The following GABRB2 variants were observed in gnomAD, a reference collection of about 807,000 sequenced individuals.
GABRB2 encodes the protein gamma-aminobutyric acid type A receptor subunit beta2, also known as gamma-aminobutyric acid receptor subunit beta-2.
GABRB2 carries 16 observed loss-of-function variants against 54.7 expected under a neutral mutation model. That is an observed-to-expected ratio of 0.29 (90% CI 0.20 to 0.44). GABRB2 has a LOEUF of 0.44. Among genes scored for constraint, GABRB2 ranks in the 20% least tolerant of loss-of-function variants. The pLI is 1.00. For synonymous variants in GABRB2, 244 were observed against 233.8 expected (o/e 1.04, Z -0.40); for missense variants, 355 against 644.0 (o/e 0.55, Z 4.86).
intron 4 of GABRB2, among the ~76,000 whole-genome samples, chr5:161,430,201 T>A (rs890367047): frequency 6.6e-6 from 1 of 152,088 alleles, no homozygotes; most frequent in Non-Finnish European, 1.5e-5. Context: ...AACACCAAAC[T>A]AAAACTCACT....
chr5:161,343,693 A>G (rs111891287), intron 5 of GABRB2, among the ~76,000 whole-genome samples: 3,655 of 152,172 alleles, frequency 0.024, 145 homozygotes, highest in African/African-American at 0.082. Context: ...ACAATAATAT[A>G]TAGCAGCTAT....
At chr5:161,389,021 A>G (rs998695121) in intron 5 of GABRB2, among the ~76,000 whole-genome samples, 4 of 152,038 alleles carry the variant, frequency 2.6e-5, no homozygotes, top group Non-Finnish European at 5.9e-5. Flanking sequence ...ATCAAGTAAA[A>G]AGAGACTTAT....
At position 161,336,702 on chromosome 5, in the gene GABRB2, C is replaced by T. The variant is rs138163747; in HGVS notation, c.609G>A (p.Thr203=). ...TAGAGAACTGTGGAAGTTCAATTTT[C>T]GTTACTCCTGTTACTGCATTATCAT... ...RGDDNAVTGV[T]KIELPQFSIV... is the part of the protein sequence containing the mutation. The change falls in exon 6 of 10, where the codon ACG becomes ACA. Residue 203 remains threonine (T), a synonymous_variant. Transcript: ENST00000393959. 72 of 1,612,974 alleles carry T rather than the reference C, an allele frequency of 4.5e-5. No individual in the cohort carries two copies. The African/African-American group carries it at 7.8e-4, about 17-fold the overall frequency.
chr5:161,526,060 T>G (rs979746954), intron 3 of GABRB2, among the ~76,000 whole-genome samples: 1 of 151,386 alleles, frequency 6.6e-6, no homozygotes, highest in African/African-American at 2.4e-5. Context: ...ACACAGGAGT[T>G]ACAATTCAAT....
At chr5:161,536,327 T>A (rs913046408) in intron 3 of GABRB2, among the ~76,000 whole-genome samples, 1 of 151,984 alleles carries the variant, frequency 6.6e-6, no homozygotes, top group East Asian at 1.9e-4. Flanking sequence ...AAAACAACAG[T>A]TCGCCAAAAT....
chr5:161,425,372 C>T (rs1756969123), intron 4 of GABRB2, among the ~76,000 whole-genome samples: 1 of 151,794 alleles, frequency 6.6e-6, no homozygotes, highest in South Asian at 2.1e-4. Flanking sequence ...TTCCAGACAC[C>T]CCAAATCAGC....
chr5:161,405,281 T>G (rs1756315933), intron 5 of GABRB2, among the ~76,000 whole-genome samples: 1 of 152,056 alleles, frequency 6.6e-6, no homozygotes. Context: ...GTTGTTCTGA[T>G]TGCTACATAT....
At chr5:161,514,821 ATC>A (rs1373213292) in intron 3 of GABRB2, among the ~76,000 whole-genome samples, 2 of 152,106 alleles carry the variant, frequency 1.3e-5, no homozygotes, top group South Asian at 2.1e-4. Context: ...AATCAAACCA[ATC>A]TCTTTCATTT....
intron 3 of GABRB2, among the ~76,000 whole-genome samples, chr5:161,531,942 C>T (rs1760476911): frequency 6.6e-6 from 1 of 152,084 alleles, no homozygotes; most frequent in African/African-American, 2.4e-5. Flanking sequence ...AAGTTCACTA[C>T]TCAAACTTTA....
At chr5:161,403,677 C>G (rs1255299651) in intron 5 of GABRB2, among the ~76,000 whole-genome samples, 1 of 151,982 alleles carries the variant, frequency 6.6e-6, no homozygotes, top group Non-Finnish European at 1.5e-5. Context: ...AAAGGATATT[C>G]CATGAGAACA....
intron 9 of GABRB2, 103 bp from the exon 10 acceptor site, chr5:161,294,531 G>A (rs1757329203): frequency 1.1e-6 from 1 of 930,946 alleles, no homozygotes; most frequent in Admixed American, 2.6e-5. Flanking sequence ...TATAGGAGTG[G>A]TAAAGAGAGC....
chr5:161,515,158 G>A (rs1445865743), intron 3 of GABRB2, among the ~76,000 whole-genome samples: 3 of 151,818 alleles, frequency 2.0e-5, no homozygotes, highest in Admixed American at 6.6e-5. Context: ...TCTCTTCTTC[G>A]GGTGACATTA....
chr5:161,462,009 G>A (rs943910806), intron 3 of GABRB2, among the ~76,000 whole-genome samples: 3 of 152,106 alleles, frequency 2.0e-5, no homozygotes, highest in African/African-American at 7.2e-5. Flanking sequence ...ACACCGAACA[G>A]TTTTCATGGG....
chr5:161,381,924 G>A (rs1276420701), intron 5 of GABRB2, among the ~76,000 whole-genome samples: 2 of 152,140 alleles, frequency 1.3e-5, no homozygotes, highest in Admixed American at 6.6e-5. Flanking sequence ...TACAGTATGG[G>A]ATATGCAGTA....
intron 3 of GABRB2, among the ~76,000 whole-genome samples, chr5:161,503,909 T>C (rs1422825674): frequency 1.3e-5 from 2 of 151,956 alleles, no homozygotes; most frequent in Non-Finnish European, 2.9e-5. Context: ...AATGATTACA[T>C]TAAAAACTGA....
intron 3 of GABRB2, among the ~76,000 whole-genome samples, chr5:161,497,470 T>G (rs758569412): frequency 6.6e-6 from 1 of 151,946 alleles, no homozygotes; most frequent in Non-Finnish European, 1.5e-5. Flanking sequence ...TGAGATCCCA[T>G]GGGGACTCAA....
intron 5 of GABRB2, among the ~76,000 whole-genome samples, chr5:161,392,242 T>C (rs1755847598): frequency 6.6e-6 from 1 of 152,200 alleles, no homozygotes; most frequent in Admixed American, 6.5e-5. Context: ...CTCATTTCTG[T>C]TAGGCACAAA....
chr5:161,384,734 T>A (rs925016279), intron 5 of GABRB2, among the ~76,000 whole-genome samples: 2 of 152,156 alleles, frequency 1.3e-5, no homozygotes, highest in African/African-American at 4.8e-5. Context: ...ACAACAAATG[T>A]GAGTATTTAT....
chr5:161,380,005 A>G (rs777363628), intron 5 of GABRB2, among the ~76,000 whole-genome samples: 1 of 152,142 alleles, frequency 6.6e-6, no homozygotes, highest in Non-Finnish European at 1.5e-5. Context: ...AACTTTACAG[A>G]GTTTACCTCA....
Sources: gnomAD v4.1 joint callset for allele counts (sites outside exome capture counted in the v4.1 genomes callset) on GRCh38, gnomAD v4.1.1 for gene constraint, MANE v1.5 for transcripts, NCBI Gene and HGNC (gene_info 2026-07-23, HGNC 2026-07-21) for gene names.